Variants in ST14 observed in about 807,000 individuals in gnomAD.
The protein encoded by ST14 is suppressor of tumorigenicity 14 protein.
A neutral mutation model predicts 96.5 loss-of-function variants in ST14; 40 were observed. That is an observed-to-expected ratio of 0.41 (90% CI 0.32 to 0.54). The LOEUF is 0.54. Among genes scored for constraint, ST14 ranks in the 20% least tolerant of loss-of-function variants. The pLI is 0.17. For missense variants in ST14, 1,066 were observed against 1,188.9 expected (o/e 0.90, Z 1.52); for synonymous variants, 506 against 492.1 (o/e 1.03, Z -0.37).
rs368706630 is a variant in ST14, at chr11:130,208,407, C to A, written c.1995-3C>A. ...GCAGTCTCATAGCGGCTCTCCCTAC[C>A]AGGTACTCAGACCCCACGCAGTGGA... On this transcript the variant is annotated splice_polypyrimidine_tract_variant and splice_region_variant and intron_variant, in intron 16 of 18. Transcript: ENST00000278742. 1.2e-6 allele frequency: 2 copies of A among 1,614,054 alleles called. No homozygotes were observed. The highest frequency in any genetic ancestry group is 1.7e-6 in the Non-Finnish European group (2 of 1,180,030).
chr11:130,190,215 C>T, intron 6 of ST14, 67 bp downstream of exon 6: 1 of 1,595,164 alleles, frequency 6.3e-7, no homozygotes, highest in Non-Finnish European at 8.6e-7. Flanking sequence ...TGCCCTTGAG[C>T]CAGTGGGGTC....
rs1391126136 is a variant in ST14 at position 130,196,462 on chromosome 11, G to A, written c.1223+14G>A. 2 of 1,601,740 alleles carry A rather than the reference G, an allele frequency of 1.2e-6. No individual in the cohort carries two copies. Among genetic ancestry groups the A allele is most frequent in the African/African-American group, 1.3e-5 (1 of 74,788 alleles). Reference sequence around the variant, plus strand: ...CAACGGGGAGAAGTGAGTCCCCGGGGGTATGGGGGCTGCCGGGCCCATGCT... The same window carrying A: ...CAACGGGGAGAAGTGAGTCCCCGGGAGTATGGGGGCTGCCGGGCCCATGCT... On this transcript the variant is annotated intron_variant, in intron 10 of 18. Coordinates refer to ENST00000278742, the MANE Select transcript of ST14 (RefSeq NM_021978.4).
rs371365017 is a variant in ST14, at chr11:130,196,745, G to A, written c.1354+45G>A. ...AGGAGGGCTGGCGGGGGCCTGCACCGCATGTTCTGTCTACCCTGCATCTCG... is the reference window on the plus strand; with the variant it reads ...AGGAGGGCTGGCGGGGGCCTGCACCACATGTTCTGTCTACCCTGCATCTCG... On this transcript the variant is annotated intron_variant, in intron 11 of 18. Coordinates refer to ENST00000278742, the MANE Select transcript of ST14 (RefSeq NM_021978.4). 1.2e-5 allele frequency: 20 copies of A among 1,613,496 alleles called. 1 individual carries two copies. Among genetic ancestry groups the A allele is most frequent in the South Asian group, 4.4e-5 (4 of 91,066 alleles).
chr11:130,169,797 G>A (rs745901503), intron 1 of ST14, among the ~76,000 whole-genome samples: 5 of 152,202 alleles, frequency 3.3e-5, no homozygotes, highest in Non-Finnish European at 5.9e-5. Context: ...ACACTAGCTC[G>A]TGAAATCAGA....
intron 16 of ST14, among the ~76,000 whole-genome samples, chr11:130,205,328 A>G (rs1451398609): frequency 2.0e-5 from 3 of 152,170 alleles, no homozygotes; most frequent in Non-Finnish European, 4.4e-5. Flanking sequence ...GGGTTTCACC[A>G]TGGTGGCCTG....
At position 130,190,513 on chromosome 11, in the gene ST14, G is replaced by A. The variant is rs753430888; in HGVS notation, c.694G>A (p.Gly232Ser). Residue 232 changes from glycine to serine, a missense_variant, in exon 7 of 19, where the codon GGC becomes AGC. Transcript: ENST00000278742. ...GVELMRFTTP[G>S]FPDSPYPAHA... ...GGAGCTGATGCGCTTCACCACGCCC[G>A]GCTTCCCTGACAGCCCCTACCCCGC... 5.0e-6 allele frequency: 8 copies of A among 1,609,806 alleles called. No individual in the cohort carries two copies. The highest frequency in any genetic ancestry group is 4.0e-5 in the African/African-American group (3 of 74,936).
chr11:130,190,231 A>G, intron 6 of ST14, 83 bp downstream of exon 6: 1 of 1,563,864 alleles, frequency 6.4e-7, no homozygotes, highest in Non-Finnish European at 8.8e-7. Context: ...GGGTCCCCAG[A>G]AGCATGTCCC....
intron 15 of ST14, 97 bp downstream of exon 15, chr11:130,199,166 C>G: frequency 1.5e-6 from 2 of 1,303,834 alleles, no homozygotes; most frequent in Non-Finnish European, 1.1e-6. Flanking sequence ...CAGCACCTCA[C>G]TTAGCAGCTC....
chr11:130,188,781 C>A lies in ST14; in HGVS notation c.370-88C>A. ...GGATGGGGGTGATCTGCAAAGGGGA[C>A]CCGGGCCCTGGAGGGGAGGGAGCAG... On this transcript the variant is annotated intron_variant, in intron 3 of 18. Transcript: ENST00000278742. The surrounding 1 kb of genome is among the most constrained non-coding windows in gnomAD (Gnocchi z 5.4). 1 of 1,604,858 alleles carries A rather than the reference C, an allele frequency of 6.2e-7. No individual in the cohort carries two copies. Among genetic ancestry groups the A allele is most frequent in the South Asian group, 1.1e-5 (1 of 90,564 alleles).
intron 9 of ST14, 130 bp downstream of exon 9, chr11:130,194,867 T>C: frequency 3.7e-5 from 32 of 863,320 alleles, no homozygotes; most frequent in Non-Finnish European, 4.8e-5. Context: ...TGTGTGTGTG[T>C]GTGTGTGTGC....
At chr11:130,205,354 G>A (rs770503790) in intron 16 of ST14, among the ~76,000 whole-genome samples, 10 of 152,088 alleles carry the variant, frequency 6.6e-5, no homozygotes, top group Non-Finnish European at 1.2e-4. Context: ...TCTCGAACTC[G>A]TGACCTCGTG....
rs1224889633 is a variant in ST14, at chr11:130,188,923, G to A, written c.424G>A (p.Ala142Thr). Reference protein sequence around the residue: ...PFLGPYHKESAVTAFSEGSVI... With the variant: ...PFLGPYHKESTVTAFSEGSVI... ...CCTGGGCCCCTACCACAAGGAGTCG[G>A]CTGTGACGGCCTTCAGGTGGGTGTG... Residue 142 changes from alanine to threonine, a missense_variant, in exon 4 of 19, where the codon GCT becomes ACT. Physicochemically the swap from Ala to Thr is moderately conservative, Grantham distance 58 (BLOSUM62 0). Transcript: ENST00000278742. The surrounding 1 kb of genome is among the most constrained non-coding windows in gnomAD (Gnocchi z 5.4). 1 of 1,611,074 alleles carries A rather than the reference G, an allele frequency of 6.2e-7. No individual in the cohort carries two copies. The highest frequency in any genetic ancestry group is 1.7e-5 in the Admixed American group (1 of 59,518).
intron 16 of ST14, among the ~76,000 whole-genome samples, chr11:130,202,549 T>C (rs945787994): frequency 6.6e-6 from 1 of 152,158 alleles, no homozygotes; most frequent in African/African-American, 2.4e-5. Flanking sequence ...AAGGTGAGGG[T>C]GTCTGTCAGC....
At position 130,194,726 on chromosome 11, in the gene ST14, TG is replaced by T; in HGVS notation, c.1104del (p.Trp368Ter). On this transcript the variant is annotated frameshift_variant, in exon 9 of 19. Coordinates refer to ENST00000278742, the MANE Select transcript of ST14 (RefSeq NM_021978.4). LOFTEE classifies it high-confidence loss of function. ...CTACCCACCCAACATTGACTGCACA[TG>T]GAACATTGAGGTAGGAGCTATGGGG... ...GHYPPNIDCT[W>X]NIEVPNNQHV... The T allele has an allele frequency of 6.2e-7, 1 of 1,614,070 alleles. No homozygotes were observed. Among genetic ancestry groups the T allele is most frequent in the Non-Finnish European group, 8.5e-7 (1 of 1,179,994 alleles).
In ST14 at chr11:130,191,638, C is replaced by T. The variant is rs553136270; in HGVS notation, c.875+944C>T. Among the ~76,000 whole-genome samples the T allele has an allele frequency of 9.8e-5, 14 of 142,760 alleles. No homozygotes were observed. The South Asian group carries it at 1.1e-3, about 11-fold the overall frequency. The allele number at this position is 142,760 out of a possible 152,430, so 93.7% of individuals were successfully genotyped here. A position where few individuals can be genotyped will look rare whatever the true frequency, so the allele number is the denominator to read the frequency against. ...CTGGGAGGCAGAGGTTGCAGTGAGC[C>T]GAGATCGTACCACTACACTCCAGCC... On this transcript the variant is annotated intron_variant, in intron 7 of 18. Transcript: ENST00000278742.
Position 130,189,765 on chromosome 11 carries a change from G to C in ST14, c.467G>C (p.Trp156Ser). The C allele has an allele frequency of 6.2e-7, 1 of 1,613,426 alleles. No homozygotes were observed. The highest frequency in any genetic ancestry group is 8.5e-7 in the Non-Finnish European group (1 of 1,179,930). Residue 156 changes from tryptophan to serine, a missense_variant, in exon 5 of 19, where the codon TGG becomes TCG. By Grantham distance (177) the Trp-to-Ser change is radical. Coordinates refer to ENST00000278742, the MANE Select transcript of ST14 (RefSeq NM_021978.4). Reference sequence around the variant, plus strand: ...GAGGGCAGCGTCATCGCCTACTACTGGTCTGAGTTCAGCATCCCGCAGCAC... The same window carrying C: ...GAGGGCAGCGTCATCGCCTACTACTCGTCTGAGTTCAGCATCCCGCAGCAC... ...FSEGSVIAYY[W>S]SEFSIPQHLV...
At chr11:130,205,017 G>A (rs1260922247) in intron 16 of ST14, among the ~76,000 whole-genome samples, 1 of 152,058 alleles carries the variant, frequency 6.6e-6, no homozygotes, top group Non-Finnish European at 1.5e-5. Flanking sequence ...CCTTTCTCTT[G>A]TCACGCACAT....
Position 130,196,339 on chromosome 11 carries a change from G to A in ST14, c.1114G>A (p.Val372Met). The change falls in exon 10 of 19, where the codon GTG (valine) becomes ATG (methionine). Residue 372 changes from valine (V) to methionine (M), a missense_variant and splice_region_variant. By Grantham distance (21) the Val-to-Met change is conservative. Coordinates refer to ENST00000278742, the MANE Select transcript of ST14 (RefSeq NM_021978.4). ...PNIDCTWNIE[V>M]PNNQHVKVRF... ...TTCCCAGCAGCCTCTCTTCCCTCAG[G>A]TGCCCAACAACCAGCATGTGAAGGT... 1.9e-6 allele frequency: 3 copies of A among 1,585,038 alleles called. No homozygotes were observed. Among genetic ancestry groups the A allele is most frequent in the Non-Finnish European group, 2.6e-6 (3 of 1,165,566 alleles).
At chr11:130,177,140 T>A (rs960129058) in intron 1 of ST14, among the ~76,000 whole-genome samples, 4 of 151,940 alleles carry the variant, frequency 2.6e-5, no homozygotes, top group Non-Finnish European at 5.9e-5. Flanking sequence ...CTGTACATCC[T>A]CAGGGGGTCA....
Sources: allele counts gnomAD v4.1 joint callset (sites outside exome capture counted in the v4.1 genomes callset), GRCh38; gene constraint gnomAD v4.1.1; non-coding constraint Gnocchi (gnomAD v3.1); transcripts MANE v1.5; gene names NCBI Gene and HGNC (gene_info 2026-07-23, HGNC 2026-07-21).